The following GATB variants were observed in gnomAD, a reference collection of about 807,000 sequenced individuals.
GATB encodes glutamyl-tRNA(Gln) amidotransferase subunit B, mitochondrial.
GATB carries 39 observed loss-of-function variants against 62.3 expected under a neutral mutation model. The observed-to-expected ratio is 0.63, with a 90% CI of 0.48 to 0.82. GATB has a LOEUF of 0.82. GATB is among the 40% of genes least tolerant of loss of function. The pLI is 0.00. For missense variants in GATB, 670 were observed against 684.0 expected (o/e 0.98, Z 0.23); for synonymous variants, 276 against 258.9 (o/e 1.07, Z -0.63).
At chr4:151,736,257 A>G (rs1277360125) in intron 2 of GATB, among the ~76,000 whole-genome samples, 1 of 152,208 alleles carries the variant, frequency 6.6e-6, no homozygotes, top group Admixed American at 6.5e-5. Context: ...AGAAAAGTAT[A>G]TAAACCCTGC....
intron 11 of GATB, chr4:151,674,594 T>A (rs1737956112): frequency 6.6e-6 from 1 of 152,234 alleles, no homozygotes; most frequent in Non-Finnish European, 1.5e-5. Flanking sequence ...TTTCTTTCTG[T>A]TTTGTAACAT....
At chr4:151,684,756 T>C (rs1267971633) in intron 10 of GATB, among the ~76,000 whole-genome samples, 2 of 152,234 alleles carry the variant, frequency 1.3e-5, no homozygotes, top group Non-Finnish European at 2.9e-5. Flanking sequence ...TCCTCTTTAC[T>C]TGATTTTGGA....
intron 2 of GATB, chr4:151,723,246 T>C (rs368971438): frequency 1.6e-4 from 24 of 152,122 alleles, no homozygotes; most frequent in African/African-American, 5.8e-4. Context: ...CACACACACA[T>C]GCCATTGAAT....
chr4:151,678,972 T>C (rs1560840458), intron 11 of GATB, among the ~76,000 whole-genome samples: 1 of 152,218 alleles, frequency 6.6e-6, no homozygotes, highest in East Asian at 1.9e-4. Context: ...CTCAGCTCAC[T>C]GCAACCTCCA....
At chr4:151,743,669 T>C (rs550828382) in intron 2 of GATB, among the ~76,000 whole-genome samples, 2 of 152,352 alleles carry the variant, frequency 1.3e-5, no homozygotes, top group African/African-American at 4.8e-5. Context: ...TGTGTGACCA[T>C]GGGTAAGTCC....
intron 3 of GATB, among the ~76,000 whole-genome samples, chr4:151,718,464 C>A (rs923898077): frequency 7.2e-5 from 11 of 152,188 alleles, no homozygotes; most frequent in Non-Finnish European, 1.0e-4. Context: ...ATTACTAAAT[C>A]TCCCACCTCA....
chr4:151,678,551 C>G (rs1372943977), intron 11 of GATB, among the ~76,000 whole-genome samples: 1 of 152,136 alleles, frequency 6.6e-6, no homozygotes, highest in Non-Finnish European at 1.5e-5. Context: ...CCCCTGACAT[C>G]CAGACAAGCA....
chr4:151,712,671 G>A (rs1042038432), intron 5 of GATB, among the ~76,000 whole-genome samples: 4 of 152,022 alleles, frequency 2.6e-5, no homozygotes, highest in South Asian at 2.1e-4. Flanking sequence ...TTTACTGAAC[G>A]TATTTTACAA....
At chr4:151,685,642 C>G (rs1295193341) in intron 10 of GATB, among the ~76,000 whole-genome samples, 1 of 152,236 alleles carries the variant, frequency 6.6e-6, no homozygotes, top group Non-Finnish European at 1.5e-5. Flanking sequence ...TCTGGTAGAG[C>G]TGTATCCCAT....
intron 2 of GATB, among the ~76,000 whole-genome samples, chr4:151,756,244 C>T (rs918580266): frequency 2.6e-5 from 4 of 152,180 alleles, no homozygotes; most frequent in African/African-American, 7.2e-5. Flanking sequence ...CTAAAATCCT[C>T]GGAAGCACAA....
intron 5 of GATB, 51 bp from the exon 6 acceptor site, chr4:151,708,152 G>A: frequency 8.2e-7 from 1 of 1,213,520 alleles, no homozygotes; most frequent in East Asian, 2.4e-5. Flanking sequence ...AGGTGACATA[G>A]TCTTTTAAAG....
chr4:151,731,692 ATC>A (rs1739255485), intron 2 of GATB, among the ~76,000 whole-genome samples: 1 of 133,470 alleles, frequency 7.5e-6, no homozygotes, highest in Non-Finnish European at 1.6e-5. Flanking sequence ...CCGGCCGCCC[ATC>A]GTCTGAGATG....
chr4:151,750,800 G>C (rs1476936880), intron 2 of GATB, among the ~76,000 whole-genome samples: 1 of 149,308 alleles, frequency 6.7e-6, no homozygotes, highest in Non-Finnish European at 1.5e-5. Context: ...ACTTATTTTT[G>C]TATTTTTTTT....
intron 11 of GATB, chr4:151,673,155 G>C (rs1206227385): frequency 7.6e-6 from 3 of 396,862 alleles, no homozygotes; most frequent in African/African-American, 6.0e-5. Context: ...TCCTCCTGAG[G>C]CTGAAGTCTC....
In GATB at chr4:151,747,267, C is replaced by T. The variant is rs1295252577; in HGVS notation, c.327+11505G>A. On this transcript the variant is annotated intron_variant, in intron 2 of 12. Transcript: ENST00000263985. The stretch of plus-strand genomic sequence containing the variant: ...CCCATGTGATAGGGAGCTGGGATGG[C>T]TTCCTGCATAAAGCTGTGAGCCAAA... 2.0e-5 allele frequency among the ~76,000 whole-genome samples: 3 copies of T among 152,314 alleles called. No individual in the cohort carries two copies. In the East Asian group the frequency reaches 5.8e-4, roughly 29 times the overall value.
intron 9 of GATB, among the ~76,000 whole-genome samples, chr4:151,692,073 C>T (rs1738376250): frequency 6.6e-6 from 1 of 152,202 alleles, no homozygotes; most frequent in Non-Finnish European, 1.5e-5. Context: ...ACCAGAGTTA[C>T]AGCAGCAGCG....
chr4:151,727,773 T>C (rs916462853), intron 2 of GATB, among the ~76,000 whole-genome samples: 1 of 152,206 alleles, frequency 6.6e-6, no homozygotes, highest in Non-Finnish European at 1.5e-5. Flanking sequence ...AGGATTGTTC[T>C]ATGAATTAAA....
intron 2 of GATB, chr4:151,722,050 TGCACAGAGG>T: frequency 3.2e-6 from 2 of 617,534 alleles, no homozygotes; most frequent in South Asian, 4.0e-5. Context: ...ACGTTACAGA[TGCACAGAGG>T]GCCCAGTAAA....
At chr4:151,708,648 CCTT>C (rs1738762306) in intron 5 of GATB, among the ~76,000 whole-genome samples, 1 of 152,224 alleles carries the variant, frequency 6.6e-6, no homozygotes, top group Admixed American at 6.5e-5. Context: ...CCCCCCTCCT[CCTT>C]CCTCCAGGTA....
Sources: allele counts gnomAD v4.1 joint callset (sites outside exome capture counted in the v4.1 genomes callset), GRCh38; gene constraint gnomAD v4.1.1; transcripts MANE v1.5; gene names NCBI Gene and HGNC (gene_info 2026-07-23, HGNC 2026-07-21).